SLC35F4: variants seen among roughly 807,000 people sequenced by gnomAD.
SLC35F4 encodes chromosome 14 open reading frame 36.
SLC35F4 carries 24 observed loss-of-function variants against 44.2 expected under a neutral mutation model. The observed-to-expected ratio is 0.54, with a 90% CI of 0.39 to 0.76. SLC35F4 has a LOEUF of 0.76. Among genes scored for constraint, SLC35F4 ranks in the 30% least tolerant of loss-of-function variants. The pLI is 0.00. For synonymous variants in SLC35F4, 238 were observed against 223.6 expected (o/e 1.06, Z -0.57); for missense variants, 562 against 586.1 (o/e 0.96, Z 0.42).
chr14:57,943,981 C>T (rs1054486606), intron 1 of SLC35F4, among the ~76,000 whole-genome samples: 1 of 152,130 alleles, frequency 6.6e-6, no homozygotes, highest in Non-Finnish European at 1.5e-5. Flanking sequence ...GCAGCTATTG[C>T]ACCTCTCTGG....
chr14:57,825,014 G>GA (rs1566884296), intron 1 of SLC35F4, among the ~76,000 whole-genome samples: 1 of 151,898 alleles, frequency 6.6e-6, no homozygotes, highest in African/African-American at 2.4e-5. Flanking sequence ...TATTTCAGGG[G>GA]TAAAAAAAGA....
chr14:57,609,551 C>T (rs1745697), intron 1 of SLC35F4, among the ~76,000 whole-genome samples: 102,961 of 152,062 alleles, frequency 0.68, 35,648 homozygotes, highest in Non-Finnish European at 0.75. Flanking sequence ...CCATGTGAGG[C>T]GAATTATGGG....
intron 1 of SLC35F4, among the ~76,000 whole-genome samples, chr14:57,675,486 C>T (rs2074662163): frequency 6.6e-6 from 1 of 151,918 alleles, no homozygotes; most frequent in African/African-American, 2.4e-5. Context: ...TCCTCTTTTC[C>T]AATTTAGATG....
chr14:57,856,774 T>A (rs189065071), intron 1 of SLC35F4, among the ~76,000 whole-genome samples: 97 of 152,148 alleles, frequency 6.4e-4, no homozygotes, highest in Non-Finnish European at 1.2e-3. Flanking sequence ...ATAAACATAA[T>A]ATGAACAAGG....
intron 1 of SLC35F4, among the ~76,000 whole-genome samples, chr14:57,882,777 T>A (rs548299951): frequency 6.6e-6 from 1 of 152,240 alleles, no homozygotes; most frequent in Admixed American, 6.5e-5. Flanking sequence ...TTTAAGAATG[T>A]GACAGATTAA....
chr14:57,788,081 T>C (rs1453436469), intron 1 of SLC35F4, among the ~76,000 whole-genome samples: 1 of 152,066 alleles, frequency 6.6e-6, no homozygotes, highest in East Asian at 1.9e-4. Context: ...GGAAAAAGGC[T>C]TTTCATGCAA....
At chr14:57,872,697 T>C (rs952421244) in intron 1 of SLC35F4, among the ~76,000 whole-genome samples, 1 of 152,010 alleles carries the variant, frequency 6.6e-6, no homozygotes, top group African/African-American at 2.4e-5. Flanking sequence ...GGAGCTAGGG[T>C]ATAAATTCTC....
chr14:57,875,157 C>T (rs1888372781), intron 1 of SLC35F4, among the ~76,000 whole-genome samples: 1 of 152,112 alleles, frequency 6.6e-6, no homozygotes, highest in Non-Finnish European at 1.5e-5. Context: ...TTTGAATCTC[C>T]TCTTTATGTG....
At chr14:57,755,402 T>A (rs2140586413) in intron 1 of SLC35F4, among the ~76,000 whole-genome samples, 1 of 152,232 alleles carries the variant, frequency 6.6e-6, no homozygotes, top group Non-Finnish European at 1.5e-5. Context: ...GCAAGCACAA[T>A]CTAAAAGGCC....
At chr14:57,809,224 A>G (rs1447817478) in intron 1 of SLC35F4, among the ~76,000 whole-genome samples, 1 of 152,150 alleles carries the variant, frequency 6.6e-6, no homozygotes, top group African/African-American at 2.4e-5. Flanking sequence ...TATTCTTTTC[A>G]CAAAGTTTGC....
chr14:57,967,408 T>C (rs1305796441), intron 1 of SLC35F4, among the ~76,000 whole-genome samples: 2 of 152,210 alleles, frequency 1.3e-5, no homozygotes, highest in Non-Finnish European at 2.9e-5. Flanking sequence ...TCCATATGGT[T>C]ACATGCATGT....
At chr14:57,617,995 G>T (rs1296425801) in intron 1 of SLC35F4, among the ~76,000 whole-genome samples, 1 of 152,064 alleles carries the variant, frequency 6.6e-6, no homozygotes, top group Non-Finnish European at 1.5e-5. Context: ...TTTGTTCTTG[G>T]GTTAAGTAAT....
chr14:57,702,331 T>TTA (rs2075563329), intron 1 of SLC35F4, among the ~76,000 whole-genome samples: 1 of 136,586 alleles, frequency 7.3e-6, no homozygotes. Flanking sequence ...TCATTTTCTT[T>TTA]AAAAAAAAAA....
intron 1 of SLC35F4, among the ~76,000 whole-genome samples, chr14:57,608,037 T>G (rs2071267497): frequency 6.6e-6 from 1 of 152,146 alleles, no homozygotes; most frequent in South Asian, 2.1e-4. Context: ...TTAGACGTGG[T>G]GAGTTTAAGT....
At chr14:57,608,823 A>G (rs1595036575) in intron 1 of SLC35F4, among the ~76,000 whole-genome samples, 1 of 151,970 alleles carries the variant, frequency 6.6e-6, no homozygotes. Flanking sequence ...ACAGGAAATT[A>G]TAACAATACA....
chr14:57,805,193 A>C (rs912379315), intron 1 of SLC35F4, among the ~76,000 whole-genome samples: 1 of 152,220 alleles, frequency 6.6e-6, no homozygotes, highest in Non-Finnish European at 1.5e-5. Flanking sequence ...TAGTTCAACC[A>C]TTGTGGAAAA....
intron 1 of SLC35F4, among the ~76,000 whole-genome samples, chr14:57,702,382 C>T (rs1041845932): frequency 1.3e-5 from 2 of 148,318 alleles, no homozygotes; most frequent in African/African-American, 2.5e-5. Flanking sequence ...AAAACTGATA[C>T]CAAACCTGTG....
chr14:57,820,298 T>A (rs1883030197), intron 1 of SLC35F4, among the ~76,000 whole-genome samples: 1 of 152,180 alleles, frequency 6.6e-6, no homozygotes, highest in Non-Finnish European at 1.5e-5. Flanking sequence ...AGTATATGCT[T>A]ATTATTACTG....
chr14:57,611,346 T>C (rs1190637259), intron 1 of SLC35F4, among the ~76,000 whole-genome samples: 1 of 151,976 alleles, frequency 6.6e-6, no homozygotes, highest in Non-Finnish European at 1.5e-5. Flanking sequence ...ACAGGATTGG[T>C]CATATGAAGT....
Sources: gnomAD v4.1 joint callset for allele counts (sites outside exome capture counted in the v4.1 genomes callset) on GRCh38, gnomAD v4.1.1 for gene constraint, MANE v1.5 for transcripts, NCBI Gene and HGNC (gene_info 2026-07-23, HGNC 2026-07-21) for gene names.